ACOT9: variants seen among roughly 807,000 people sequenced by gnomAD.
ACOT9 encodes the protein acyl-CoA thioesterase 9, also known as acyl-coenzyme A thioesterase 9, mitochondrial.
ACOT9 carries 34 observed loss-of-function variants against 39.7 expected under a neutral mutation model. The observed-to-expected ratio is 0.86, with a 90% confidence interval of 0.65 to 1.14. The LOEUF is 1.14. Ranked by LOEUF, ACOT9 falls within the 50% of genes most tolerant of loss-of-function variation. The probability of loss-of-function intolerance (pLI) is 0.00; values close to 1 mark genes in which losing one functional copy is unlikely to be tolerated. For missense variants in ACOT9, 313 were observed against 344.1 expected (o/e 0.91, Z 0.71); for synonymous variants, 110 against 120.5 (o/e 0.91, Z 0.57).
At chrX:23,736,118 T>C (rs1385702679) in intron 1 of ACOT9, 102 bp from the exon 2 acceptor site, 1 of 585,299 alleles carries the variant, frequency 1.7e-6, no homozygotes, top group Non-Finnish European at 2.6e-6. Flanking sequence ...TCACCCTTAG[T>C]ATATATTGTC....
Position 23,707,926 on chromosome X carries a change from T to C in ACOT9, c.681A>G (p.Pro227=). Reference sequence around the variant, plus strand: ...CTTCCTCTGGGCTTTCAGGGATGAGTGGATTTACAAATGCCGGCCTAAAAA... The same window carrying C: ...CTTCCTCTGGGCTTTCAGGGATGAGCGGATTTACAAATGCCGGCCTAAAAA... The part of the protein sequence containing the change: ...SENKGPAFVN[P]LIPESPEEEE... The change falls in exon 10 of 16, where the codon CCA becomes CCG. Residue 227 remains proline (P), a synonymous_variant. Coordinates refer to ENST00000379303, the MANE Select transcript of ACOT9 (RefSeq NM_001037171.2). The C allele has an allele frequency of 8.3e-7, 1 of 1,202,803 alleles. No individual in the cohort carries two copies. Among genetic ancestry groups the C allele is most frequent in the South Asian group, 1.8e-5 (1 of 54,932 alleles).
chrX:23,733,723 C>A (rs765019822), intron 3 of ACOT9, among the ~76,000 whole-genome samples: 4 of 106,882 alleles, frequency 3.7e-5, no homozygotes, highest in African/African-American at 1.4e-4. Flanking sequence ...GGATTACAGG[C>A]GCTGTGCCAC....
chrX:23,731,377 T>A (rs958851949), intron 4 of ACOT9, among the ~76,000 whole-genome samples: 1 of 108,049 alleles, frequency 9.3e-6, no homozygotes, highest in Non-Finnish European at 1.9e-5. Context: ...CTTGGTAGGC[T>A]GAGGCAGGAG....
rs746072190 is a variant in ACOT9, at chrX:23,707,906, T to C, written c.701A>G (p.Glu234Gly). 8.3e-7 allele frequency: 1 copy of C among 1,204,912 alleles called. No homozygotes were observed. Among genetic ancestry groups the C allele is most frequent in the Admixed American group, 2.2e-5 (1 of 45,525 alleles). ...CCCTTGTCTAAAGAGCTCCTCTTCC[T>C]CTGGGCTTTCAGGGATGAGTGGATT... ...FVNPLIPESPEEEELFRQGEL... is the reference protein window; with the variant it reads ...FVNPLIPESPGEEELFRQGEL... Residue 234 changes from glutamate to glycine, a missense_variant, in exon 10 of 16, where the codon GAG becomes GGG. By Grantham distance (98) the Glu-to-Gly change is moderately conservative. Transcript: ENST00000379303.
chrX:23,727,998 C>CAA (rs757698040), intron 6 of ACOT9, among the ~76,000 whole-genome samples: 2 of 38,751 alleles, frequency 5.2e-5, no homozygotes, highest in Non-Finnish European at 5.2e-5. Flanking sequence ...GACTCTGTCT[C>CAA]AAAAAAAAAA....
chrX:23,710,905 G>A (rs1928870692), intron 9 of ACOT9, among the ~76,000 whole-genome samples: 1 of 111,048 alleles, frequency 9.0e-6, no homozygotes, highest in African/African-American at 3.3e-5. Flanking sequence ...GGAGGCTGAG[G>A]CGGAAGGATT....
At position 23,713,140 on chromosome X, in the gene ACOT9, A is replaced by G. The variant is rs1318769408; in HGVS notation, c.657T>C (p.Asn219=). The G allele has an allele frequency of 8.3e-7, 1 of 1,204,398 alleles. No homozygotes were observed. Among genetic ancestry groups the G allele is most frequent in the East Asian group, 3.0e-5 (1 of 33,832 alleles). Residue 219 remains asparagine, a synonymous_variant, in exon 9 of 16, where the codon AAT becomes AAC. Coordinates refer to ENST00000379303, the MANE Select transcript of ACOT9 (RefSeq NM_001037171.2). ...TFVMVARDSE[N]KGPAFVNPLI... is the part of the protein sequence containing the mutation. ...TATGAAAAAATAGCAATTACCCTTTATTTTCAGAATCACGAGCCACCATTA... is the reference window on the plus strand; with the variant it reads ...TATGAAAAAATAGCAATTACCCTTTGTTTTCAGAATCACGAGCCACCATTA...
Position 23,703,979 on chromosome X carries a change from G to C in ACOT9, c.1262C>G (p.Ser421Cys), listed in dbSNP as rs761691139. Residue 421 changes from serine to cysteine, a missense_variant, in exon 16 of 16, where the codon TCC becomes TGC. Coordinates refer to ENST00000379303, the MANE Select transcript of ACOT9 (RefSeq NM_001037171.2). The part of the protein sequence containing the change: ...PLVFPKTYGE[S>C]MLYLDGQRHF... ...CCGCTGCCCATCTAAGTACAACATG[G>C]ACTCTGAAACACAAGAAAGAGAACC... 9.1e-6 allele frequency: 11 copies of C among 1,204,350 alleles called. No individual in the cohort carries two copies. The highest frequency in any genetic ancestry group is 4.4e-5 in the Admixed American group (2 of 45,424).
In ACOT9 at chrX:23,730,915, G is replaced by A. The variant is rs1929716341; in HGVS notation, c.263C>T (p.Pro88Leu). 3 of 1,208,889 alleles carry A rather than the reference G, an allele frequency of 2.5e-6. No individual in the cohort carries two copies. In the Admixed American group the frequency reaches 6.6e-5, roughly 26 times the overall value. The part of the protein sequence containing the change: ...SFLAKSQDGL[P>L]PRRMKDSYIE... ...ATAACTGTCCTTCATTCTCCTAGGA[G>A]GCAGTCCATCCTGTGATTTAGCCAA... The change falls in exon 5 of 16, where the codon CCT becomes CTT. Residue 88 changes from proline to leucine, a missense_variant. Coordinates refer to ENST00000379303, the MANE Select transcript of ACOT9 (RefSeq NM_001037171.2).
At chrX:23,730,235 C>T (rs776169164) in intron 6 of ACOT9, among the ~76,000 whole-genome samples, 9 of 108,742 alleles carry the variant, frequency 8.3e-5, no homozygotes, top group African/African-American at 1.3e-4. Flanking sequence ...GCTGGGATTA[C>T]GGCGCCCACC....
intron 1 of ACOT9, among the ~76,000 whole-genome samples, chrX:23,742,237 G>GGAGAGAGAGAGAGAGAGAGAGAGAGAGA (rs1287296568): frequency 2.3e-5 from 1 of 42,927 alleles, no homozygotes; most frequent in African/African-American, 1.1e-4. Context: ...AGAGAGAGAG[G>GGAGAGAGAGAGAGAGAGAGAGAGAGAGA]GAGAGAGAGA....
At chrX:23,720,224 T>C (rs1450829372) in intron 8 of ACOT9, among the ~76,000 whole-genome samples, 1 of 112,593 alleles carries the variant, frequency 8.9e-6, no homozygotes, top group Non-Finnish European at 1.9e-5. Flanking sequence ...AGGTACTTTT[T>C]CTTGTCAAAT....
intron 11 of ACOT9, among the ~76,000 whole-genome samples, chrX:23,706,178 A>G (rs1419391183): frequency 9.0e-6 from 1 of 110,836 alleles, no homozygotes; most frequent in Non-Finnish European, 1.9e-5. Flanking sequence ...AGACAGGAGA[A>G]TTGCTTGAAC....
chrX:23,739,705 G>A (rs1357227491), intron 1 of ACOT9, among the ~76,000 whole-genome samples: 1 of 110,824 alleles, frequency 9.0e-6, no homozygotes, highest in African/African-American at 3.3e-5. Context: ...TGAGGTGGGA[G>A]GATCACTTGA....
rs1184781069 is a variant in ACOT9 at position 23,743,182 on chromosome X, C to G, written c.-38G>C. On this transcript the variant is annotated 5_prime_UTR_variant, in exon 1 of 16. Transcript: ENST00000379303. ...CCGTGCGCGCGATGGAGAACCGGGC[C>G]CCGCGCGCTAGTCGGCGGAGGGAAA... The G allele has an allele frequency of 8.7e-7, 1 of 1,145,905 alleles. No individual in the cohort carries two copies. Among genetic ancestry groups the G allele is most frequent in the Non-Finnish European group, 1.2e-6 (1 of 861,246 alleles). The allele number at this position is 1,145,905 out of a possible 1,213,427, so 94.4% of individuals were successfully genotyped here.
chrX:23,734,399 A>G (rs1316609034), intron 2 of ACOT9, 32 bp from the exon 3 acceptor site: 2 of 1,110,038 alleles, frequency 1.8e-6, no homozygotes, highest in South Asian at 2.0e-5. Flanking sequence ...CAATTAGAGA[A>G]CCAGCAATAA....
Position 23,705,525 on chromosome X carries a change from T to C in ACOT9, c.1003A>G (p.Thr335Ala), listed in dbSNP as rs1408022107. Residue 335 changes from threonine to alanine, a missense_variant, in exon 13 of 16, where the codon ACT becomes GCT. Thr to Ala is a moderately conservative substitution (Grantham distance 58, BLOSUM62 0). Coordinates refer to ENST00000379303, the MANE Select transcript of ACOT9 (RefSeq NM_001037171.2). Reference protein sequence around the residue: ...MRKAYELAWATACSFGGSRPF... With the variant: ...MRKAYELAWAAACSFGGSRPF... ...GTAACTCACCCAAAGCTACAAGCAG[T>C]AGCCCACGCAAGTTCATATGCCTTC... is the stretch of plus-strand genomic sequence containing the variant. 8.3e-7 allele frequency: 1 copy of C among 1,207,441 alleles called. No homozygotes were observed. Among genetic ancestry groups the C allele is most frequent in the Non-Finnish European group, 1.1e-6 (1 of 893,906 alleles).
Position 23,707,947 on chromosome X carries a change from A to T in ACOT9, c.663-3T>A. 3 of 1,187,281 alleles carry T rather than the reference A, an allele frequency of 2.5e-6. No individual in the cohort carries two copies. Among genetic ancestry groups the T allele is most frequent in the Non-Finnish European group, 3.4e-6 (3 of 881,223 alleles). On this transcript the variant is annotated splice_region_variant and splice_polypyrimidine_tract_variant and intron_variant, in intron 9 of 15. Transcript: ENST00000379303. ...TGAGTGGATTTACAAATGCCGGCCT[A>T]AAAAGAAGAAAAAAAAGAATATAAT... is the stretch of plus-strand genomic sequence containing the variant.
intron 1 of ACOT9, among the ~76,000 whole-genome samples, chrX:23,736,810 C>T (rs1423006697): frequency 9.0e-6 from 1 of 111,012 alleles, no homozygotes; most frequent in Non-Finnish European, 1.9e-5. Context: ...CAGAGTGAGA[C>T]CCTGCTTCAA....
Sources: gnomAD v4.1 joint callset for allele counts (sites outside exome capture counted in the v4.1 genomes callset) on GRCh38, gnomAD v4.1.1 for gene constraint, MANE v1.5 for transcripts, NCBI Gene and HGNC (gene_info 2026-07-23, HGNC 2026-07-21) for gene names.